Variants in ANKS1B observed in about 807,000 individuals in gnomAD.
ANKS1B encodes ankyrin repeat and sterile alpha motif domain containing 1B.
A neutral mutation model predicts 148.3 loss-of-function variants in ANKS1B; 36 were observed. The observed-to-expected ratio is 0.24, with a 90% CI of 0.19 to 0.32. The LOEUF (loss-of-function observed/expected upper bound fraction) is 0.32, where lower values mean the gene tolerates loss of function less well. Among genes scored for constraint, ANKS1B ranks in the 10% least tolerant of loss-of-function variants. The pLI, the probability that ANKS1B is intolerant of heterozygous loss-of-function variation, is 1.00. For synonymous variants in ANKS1B, 542 were observed against 560.8 expected, an observed-to-expected ratio of 0.97 and a Z score of 0.47; for missense variants, 1,157 against 1,542.6, an observed-to-expected ratio of 0.75 and a Z score of 4.19.
At chr12:99,032,748 G>A (rs1333345116) in intron 17 of ANKS1B, among the ~76,000 whole-genome samples, 1 of 152,116 alleles carries the variant, frequency 6.6e-6, no homozygotes, top group Non-Finnish European at 1.5e-5. Flanking sequence ...TGGGTCTCAT[G>A]AACTTTGATT....
At chr12:99,551,199 T>A (rs1162957494) in intron 9 of ANKS1B, among the ~76,000 whole-genome samples, 1 of 152,154 alleles carries the variant, frequency 6.6e-6, no homozygotes, top group Non-Finnish European at 1.5e-5. Flanking sequence ...TCTAATTTTA[T>A]TTCTCACCGT....
In ANKS1B at chr12:99,655,182, G is replaced by C; in HGVS notation, c.1157C>G (p.Pro386Arg). Residue 386 changes from proline (P) to arginine (R), a missense_variant, in exon 9 of 27, where the codon CCA becomes CGA. This residue lies in a region of ANKS1B where 661 missense variants were observed against 642.1 expected (regional missense o/e 1.03). Transcript: ENST00000683438. ...VRTSSTINLS[P>R]GEVEEEDDDE... ...ATCATCCTCTTCTTCCACTTCTCCT[G>C]GTGACAAATTGATTGTAGATGAGGT... 6.2e-7 allele frequency: 1 copy of C among 1,610,306 alleles called. No individual in the cohort carries two copies. The highest frequency in any genetic ancestry group is 1.3e-5 in the African/African-American group (1 of 74,868).
chr12:98,983,862 A>G (rs1523097), intron 17 of ANKS1B, among the ~76,000 whole-genome samples: 75,715 of 152,056 alleles, frequency 0.5, 20,667 homozygotes, highest in African/African-American at 0.74. Flanking sequence ...CTCCCTCTCC[A>G]CTTTTGGTTT....
chr12:98,758,643 A>G (rs1171808061), intron 25 of ANKS1B, among the ~76,000 whole-genome samples: 1 of 152,206 alleles, frequency 6.6e-6, no homozygotes, highest in African/African-American at 2.4e-5. Context: ...AGTAGTGGCT[A>G]TTTAGGAAGA....
chr12:99,866,271 T>C (rs538754837), intron 1 of ANKS1B, among the ~76,000 whole-genome samples: 3 of 152,292 alleles, frequency 2.0e-5, no homozygotes, highest in South Asian at 4.1e-4. Flanking sequence ...AAATGAAAAC[T>C]ACAAATATTT....
intron 1 of ANKS1B, among the ~76,000 whole-genome samples, chr12:99,831,065 T>C (rs10860530): frequency 0.12 from 17,528 of 152,128 alleles, 1,482 homozygotes; most frequent in African/African-American, 0.24. Flanking sequence ...ATTTATATGC[T>C]TACTGTCTGT....
chr12:98,918,254 AG>A (rs1223470772), intron 17 of ANKS1B, among the ~76,000 whole-genome samples: 1 of 152,244 alleles, frequency 6.6e-6, no homozygotes, highest in East Asian at 1.9e-4. Flanking sequence ...ACTTGGAAGC[AG>A]AAAGAGAATC....
intron 12 of ANKS1B, among the ~76,000 whole-genome samples, chr12:99,327,502 C>A (rs2086707724): frequency 7.3e-6 from 1 of 137,122 alleles, no homozygotes; most frequent in African/African-American, 2.7e-5. Context: ...TATATAAAAT[C>A]TAGGTTTGTA....
chr12:99,413,686 T>C (rs1327249087), intron 11 of ANKS1B, among the ~76,000 whole-genome samples: 2 of 152,208 alleles, frequency 1.3e-5, no homozygotes, highest in Non-Finnish European at 2.9e-5. Context: ...ATTTCATTTT[T>C]ATATAGAGGT....
intron 2 of ANKS1B, among the ~76,000 whole-genome samples, chr12:99,820,368 T>C (rs2082361128): frequency 6.6e-6 from 1 of 152,086 alleles, no homozygotes; most frequent in Middle Eastern, 3.4e-3. Flanking sequence ...ATGAAGGCTT[T>C]AGATTTTATG....
intron 8 of ANKS1B, among the ~76,000 whole-genome samples, chr12:99,699,207 T>C (rs537595393): frequency 5.6e-4 from 85 of 152,300 alleles, no homozygotes; most frequent in Non-Finnish European, 1.1e-3. Context: ...TGTGCACATG[T>C]GCACACACAC....
At chr12:99,454,887 T>C (rs953314179) in intron 10 of ANKS1B, among the ~76,000 whole-genome samples, 1 of 152,198 alleles carries the variant, frequency 6.6e-6, no homozygotes, top group Non-Finnish European at 1.5e-5. Flanking sequence ...AGGGAGGCCA[T>C]AGAAGATGGG....
chr12:99,509,471 G>A (rs1001865626), intron 9 of ANKS1B, among the ~76,000 whole-genome samples: 2 of 151,882 alleles, frequency 1.3e-5, no homozygotes, highest in Non-Finnish European at 2.9e-5. Context: ...TATGGAGAAA[G>A]TTTCAGTGGT....
intron 22 of ANKS1B, among the ~76,000 whole-genome samples, chr12:98,783,950 C>G (rs2098763150): frequency 1.3e-5 from 2 of 152,108 alleles, no homozygotes; most frequent in Non-Finnish European, 2.9e-5. Flanking sequence ...CCCTAAGCAC[C>G]TGAGTTGAAG....
intron 1 of ANKS1B, among the ~76,000 whole-genome samples, chr12:99,873,653 A>C (rs920190420): frequency 3.9e-5 from 6 of 152,146 alleles, no homozygotes; most frequent in African/African-American, 1.4e-4. Flanking sequence ...TATTCATTCA[A>C]ATCTCTGTTA....
At chr12:99,530,895 C>T (rs1437632924) in intron 9 of ANKS1B, among the ~76,000 whole-genome samples, 3 of 152,148 alleles carry the variant, frequency 2.0e-5, no homozygotes, top group African/African-American at 7.2e-5. Flanking sequence ...TTCTTTAAAG[C>T]TTTCAAAGCC....
intron 1 of ANKS1B, among the ~76,000 whole-genome samples, chr12:99,879,392 C>T (rs569532873): frequency 6.6e-5 from 10 of 152,288 alleles, no homozygotes; most frequent in East Asian, 3.9e-4. Context: ...ACAGATTATA[C>T]GTTTCATATG....
chr12:99,456,729 T>C, intron 10 of ANKS1B, among the ~76,000 whole-genome samples: 1 of 151,690 alleles, frequency 6.6e-6, no homozygotes, highest in East Asian at 1.9e-4. Context: ...CAAAGAAAAT[T>C]TTTTTTTTAA....
intron 17 of ANKS1B, among the ~76,000 whole-genome samples, chr12:99,039,591 C>T (rs868582690): frequency 1.3e-5 from 2 of 152,254 alleles, no homozygotes; most frequent in Non-Finnish European, 2.9e-5. Context: ...GCTCATCTGA[C>T]TCTGAGTCCA....
Sources: gnomAD v4.1 joint callset for allele counts (sites outside exome capture counted in the v4.1 genomes callset) on GRCh38, gnomAD v4.1.1 for gene constraint, gnomAD v4.1.1 regional missense constraint, MANE v1.5 for transcripts, NCBI Gene and HGNC (gene_info 2026-07-23, HGNC 2026-07-21) for gene names.